Variants in LGSN observed in about 807,000 individuals in gnomAD.
LGSN encodes lengsin.
LGSN carries 21 observed loss-of-function variants against 19.5 expected under a neutral mutation model. The ratio of observed to expected loss-of-function variants is 1.07; its 90% CI spans 0.76 to 1.55. The LOEUF (loss-of-function observed/expected upper bound fraction) is 1.55, where lower values mean the gene tolerates loss of function less well. Ranked by LOEUF, LGSN falls within the 40% of genes most tolerant of loss-of-function variation. LGSN has a pLI of 0.00. For synonymous variants in LGSN, 257 were observed against 215.6 expected (o/e 1.19, Z -1.68); for missense variants, 673 against 608.5 (o/e 1.11, Z -1.12).
the LGSN span, among the ~76,000 whole-genome samples, chr6:63,510,660 A>ATTTTTT: frequency 6.3e-5 from 7 of 111,976 alleles, no homozygotes; most frequent in Admixed American, 1.1e-4. Context: ...CAAGAAGCGA[A>ATTTTTT]TTTTTTTTTT....
the LGSN span, among the ~76,000 whole-genome samples, chr6:63,426,687 T>C: frequency 6.6e-6 from 1 of 152,122 alleles, no homozygotes; most frequent in Non-Finnish European, 1.5e-5. Context: ...GGCTAATTTT[T>C]GTATTTCAGT....
At chr6:63,381,520 AG>A in the LGSN span, among the ~76,000 whole-genome samples, 2 of 152,252 alleles carry the variant, frequency 1.3e-5, no homozygotes, top group Admixed American at 1.3e-4. Context: ...AATATCAAAC[AG>A]GCTAGCATTT....
At chr6:63,359,261 C>T in the LGSN span, among the ~76,000 whole-genome samples, 13 of 152,170 alleles carry the variant, frequency 8.5e-5, no homozygotes, top group Admixed American at 2.0e-4. Context: ...ATTTTTGCAC[C>T]GATGTTCATC....
chr6:63,296,866 T>C (rs1304912096), intron 1 of LGSN, among the ~76,000 whole-genome samples: 1 of 152,004 alleles, frequency 6.6e-6, no homozygotes, highest in Admixed American at 6.6e-5. Context: ...AAAGATGCAG[T>C]TTCTAAAAAT....
intron 2 of LGSN, among the ~76,000 whole-genome samples, chr6:63,287,121 T>C (rs1767569443): frequency 6.6e-6 from 1 of 152,188 alleles, no homozygotes; most frequent in African/African-American, 2.4e-5. Context: ...GAAACATAGA[T>C]TAAGTAGATT....
intron 2 of LGSN, among the ~76,000 whole-genome samples, chr6:63,290,855 C>T (rs1767737584): frequency 6.6e-6 from 1 of 152,206 alleles, no homozygotes; most frequent in African/African-American, 2.4e-5. Context: ...TTGCTCTCTG[C>T]TCCAGTTTTC....
the LGSN span, among the ~76,000 whole-genome samples, chr6:63,411,026 T>C: frequency 6.6e-6 from 1 of 152,172 alleles, no homozygotes; most frequent in African/African-American, 2.4e-5. Flanking sequence ...AAATGTAAAT[T>C]GTGCCTAAAT....
At chr6:63,528,508 T>C in the LGSN span, among the ~76,000 whole-genome samples, 1,321 of 152,184 alleles carry the variant, frequency 8.7e-3, 23 homozygotes, top group African/African-American at 0.03. Flanking sequence ...ACAGATCGCC[T>C]GAGCCCAGGT....
chr6:63,401,448 GTTAATAA>G, the LGSN span, among the ~76,000 whole-genome samples: 2 of 150,030 alleles, frequency 1.3e-5, no homozygotes, highest in African/African-American at 4.9e-5. Context: ...AATTCAAAAA[GTTAATAA>G]TTAATAAATA....
At chr6:63,281,832 T>A (rs1288945121) in intron 3 of LGSN, among the ~76,000 whole-genome samples, 1 of 152,188 alleles carries the variant, frequency 6.6e-6, no homozygotes, top group African/African-American at 2.4e-5. Context: ...ATTAAAAACC[T>A]CACTGTCTCA....
chr6:63,363,551 A>T, the LGSN span, among the ~76,000 whole-genome samples: 1 of 152,232 alleles, frequency 6.6e-6, no homozygotes, highest in Non-Finnish European at 1.5e-5. Context: ...TATGTGATAC[A>T]TGCACAAGCT....
chr6:63,546,715 AAAAT>A, the LGSN span, among the ~76,000 whole-genome samples: 1 of 152,194 alleles, frequency 6.6e-6, no homozygotes, highest in Non-Finnish European at 1.5e-5. Flanking sequence ...TCAAAAAAAA[AAAAT>A]AGAGTACAAG....
Position 63,294,988 on chromosome 6 carries a change from T to C in LGSN, c.88A>G (p.Arg30Gly). Residue 30 changes from arginine to glycine, a missense_variant, in exon 2 of 4, where the codon AGG becomes GGG. By Grantham distance (125) the Arg-to-Gly change is moderately radical. Transcript: ENST00000370657. ...TEANSMNTLRRTRKKVTKPYV... is the reference protein window; with the variant it reads ...TEANSMNTLRGTRKKVTKPYV... ...GGTTTAGTGACTTTCTTCCTTGTCC[T>C]TCTTAATGTGTTCATGCTGTTGGCT... 2.5e-6 allele frequency: 4 copies of C among 1,613,714 alleles called. No individual in the cohort carries two copies. The highest frequency in any genetic ancestry group is 3.4e-6 in the Non-Finnish European group (4 of 1,179,690).
Position 63,276,895 on chromosome 6 carries a change from G to A in LGSN, c.*3126C>T, listed in dbSNP as rs1767119689. ...AAAAATAGATAACTGATTTTTACAT[G>A]TACCTACCCCAATTTGTCTTTGGCC... On this transcript the variant is annotated 3_prime_UTR_variant, in exon 4 of 4. Coordinates refer to ENST00000370657, the MANE Select transcript of LGSN (RefSeq NM_016571.3). 6.6e-6 allele frequency: 1 copy of A among 152,202 alleles called. No homozygotes were observed. The highest frequency in any genetic ancestry group is 1.5e-5 in the Non-Finnish European group (1 of 68,050). The allele number at this position is 152,202 out of a possible 1,614,324, so 9.4% of individuals were successfully genotyped here.
the LGSN span, among the ~76,000 whole-genome samples, chr6:63,357,812 G>A: frequency 6.6e-6 from 1 of 152,088 alleles, no homozygotes; most frequent in African/African-American, 2.4e-5. Context: ...AGTTTCTTTT[G>A]CTGTGCAGAA....
chr6:63,513,277 T>G, the LGSN span, among the ~76,000 whole-genome samples: 3 of 152,320 alleles, frequency 2.0e-5, no homozygotes, highest in South Asian at 4.1e-4. Context: ...TCCAGAAGCC[T>G]CCTATGCAGA....
chr6:63,340,296 A>T, the LGSN span, among the ~76,000 whole-genome samples: 1 of 151,986 alleles, frequency 6.6e-6, no homozygotes, highest in African/African-American at 2.4e-5. Flanking sequence ...CTGTATCTAG[A>T]TGTCTATATC....
At chr6:63,480,007 A>G in the LGSN span, 1 of 152,342 alleles carries the variant, frequency 6.6e-6, no homozygotes, top group African/African-American at 2.4e-5. Flanking sequence ...CCTTTTCTCT[A>G]AGGTCATTAC....
At chr6:63,489,079 A>G in the LGSN span, among the ~76,000 whole-genome samples, 4 of 152,220 alleles carry the variant, frequency 2.6e-5, no homozygotes, top group African/African-American at 9.6e-5. Flanking sequence ...ATGATAAAAA[A>G]TTGATATACT....
Sources: allele counts gnomAD v4.1 joint callset (sites outside exome capture counted in the v4.1 genomes callset), GRCh38; gene constraint gnomAD v4.1.1; transcripts MANE v1.5; gene names NCBI Gene and HGNC (gene_info 2026-07-23, HGNC 2026-07-21).